Variants in RANBP3 observed in about 807,000 individuals in gnomAD.
RANBP3 encodes the protein ran-binding protein 3.
In RANBP3, 14 loss-of-function variants were observed where a neutral mutation model predicts 77.3. The ratio of observed to expected loss-of-function variants is 0.18; its 90% CI spans 0.12 to 0.28. The LOEUF is 0.28. Ranked by LOEUF, RANBP3 falls within the 10% of genes least tolerant of loss-of-function variation. The pLI is 1.00. For synonymous variants in RANBP3, 315 were observed against 312.4 expected, an observed-to-expected ratio of 1.01 and a Z score of -0.09; for missense variants, 586 against 752.3, an observed-to-expected ratio of 0.78 and a Z score of 2.59.
At chr19:5,917,750 G>A (rs1382254127) in intron 16 of RANBP3, 44 bp downstream of exon 16, 1 of 1,586,240 alleles carries the variant, frequency 6.3e-7, no homozygotes, top group Non-Finnish European at 8.6e-7. Context: ...AGGATGGCGG[G>A]CAGCTCTTTC....
chr19:5,918,384 T>A, intron 15 of RANBP3, 112 bp downstream of exon 15: 1 of 741,814 alleles, frequency 1.3e-6, no homozygotes, highest in South Asian at 2.0e-5. Flanking sequence ...AGGAAGCAAC[T>A]GAAGCCCCTC....
rs1351738286 is a variant in RANBP3, at chr19:5,932,437, G to A, written c.565+15C>T. ...CTGCCGTCTGGGCCTGGGCGCCAGGGCTGCTGTTTCTTACCAGTCTGGGAC... is the reference window on the plus strand; with the variant it reads ...CTGCCGTCTGGGCCTGGGCGCCAGGACTGCTGTTTCTTACCAGTCTGGGAC... On this transcript the variant is annotated intron_variant, in intron 7 of 16. Coordinates refer to ENST00000340578, the MANE Select transcript of RANBP3 (RefSeq NM_007322.3). The A allele has an allele frequency of 1.9e-6, 3 of 1,610,880 alleles. No individual in the cohort carries two copies. Among genetic ancestry groups the A allele is most frequent in the African/African-American group, 1.3e-5 (1 of 74,988 alleles).
intron 10 of RANBP3, chr19:5,925,405 C>T (rs2057891290): frequency 1.7e-6 from 1 of 587,584 alleles, no homozygotes; most frequent in Admixed American, 3.0e-5. Context: ...TGGACAACCC[C>T]ACAGAACTCT....
At chr19:5,934,911 G>C (rs1033884814) in intron 5 of RANBP3, among the ~76,000 whole-genome samples, 1 of 152,188 alleles carries the variant, frequency 6.6e-6, no homozygotes, top group Non-Finnish European at 1.5e-5. Flanking sequence ...CTGTCTGATT[G>C]CATTTCTGTG....
intron 8 of RANBP3, 59 bp from the exon 9 acceptor site, chr19:5,928,146 G>A (rs150997174): frequency 7.0e-6 from 11 of 1,565,778 alleles, no homozygotes; most frequent in East Asian, 2.3e-5. Context: ...TGGCCCAGAC[G>A]GATGCCCAGC....
chr19:5,972,783 C>G (rs1342297892), intron 1 of RANBP3, among the ~76,000 whole-genome samples: 1 of 152,202 alleles, frequency 6.6e-6, no homozygotes, highest in Non-Finnish European at 1.5e-5. Flanking sequence ...CCAAATGCCA[C>G]TCGAAGCTCA....
At chr19:5,951,875 G>C (rs1317916591) in intron 2 of RANBP3, among the ~76,000 whole-genome samples, 1 of 152,218 alleles carries the variant, frequency 6.6e-6, no homozygotes, top group East Asian at 1.9e-4. Flanking sequence ...AAAACTATGG[G>C]CTGCCTGGCA....
At chr19:5,923,430 G>A in intron 12 of RANBP3, 127 bp from the exon 13 acceptor site, 1 of 897,508 alleles carries the variant, frequency 1.1e-6, no homozygotes, top group Non-Finnish European at 1.7e-6. Flanking sequence ...TGGCAGGCCT[G>A]CCCCGGCAAC....
At chr19:5,918,442 C>A (rs907630923) in intron 15 of RANBP3, 54 bp downstream of exon 15, 1 of 1,464,822 alleles carries the variant, frequency 6.8e-7, no homozygotes, top group Admixed American at 1.9e-5. Flanking sequence ...CCCAGGAACC[C>A]CCACAGGGCT....
Position 5,931,416 on chromosome 19 carries a change from C to G in RANBP3, c.681G>C (p.Val227=), listed in dbSNP as rs1254912534. The change falls in exon 8 of 17, where the codon GTG becomes GTC. Residue 227 remains valine, a synonymous_variant. Coordinates refer to ENST00000340578, the MANE Select transcript of RANBP3 (RefSeq NM_007322.3). The part of the protein sequence containing the change: ...WRSPSEAADE[V]CALEEKEPQK... The stretch of plus-strand genomic sequence containing the variant: ...AGGACCCACTGACCTCAAGTGCACA[C>G]ACCTCATCGGCAGCTTCGGAAGGAC... The G allele has an allele frequency of 1.2e-6, 2 of 1,612,110 alleles. No individual in the cohort carries two copies. The highest frequency in any genetic ancestry group is 2.7e-5 in the African/African-American group (2 of 75,062).
intron 3 of RANBP3, among the ~76,000 whole-genome samples, chr19:5,947,306 T>A (rs1599762166): frequency 7.4e-6 from 1 of 134,834 alleles, no homozygotes. Flanking sequence ...AGAGGGAGAC[T>A]CTGTCTCAAA....
intron 3 of RANBP3, among the ~76,000 whole-genome samples, chr19:5,947,346 AAAAG>A (rs1313367255): frequency 6.6e-6 from 1 of 151,940 alleles, no homozygotes; most frequent in East Asian, 1.9e-4. Flanking sequence ...AAGAAAAGAA[AAAAG>A]AAAGAAACAA....
chr19:5,973,537 T>C (rs1321269308), intron 1 of RANBP3, among the ~76,000 whole-genome samples: 3 of 152,208 alleles, frequency 2.0e-5, no homozygotes, highest in Non-Finnish European at 4.4e-5. Context: ...TGGCCCCAGA[T>C]GTCTGTAGTG....
intron 13 of RANBP3, among the ~76,000 whole-genome samples, chr19:5,922,353 A>T (rs973938167): frequency 6.6e-5 from 10 of 152,200 alleles, no homozygotes; most frequent in Admixed American, 4.6e-4. Flanking sequence ...GTGGGAAAAA[A>T]GAACAGTGCT....
intron 1 of RANBP3, among the ~76,000 whole-genome samples, chr19:5,965,453 C>G (rs556513555): frequency 6.6e-6 from 1 of 152,296 alleles, no homozygotes; most frequent in East Asian, 1.9e-4. Context: ...TGTATTTTTT[C>G]TGCCAAGAGA....
rs1249382211 is a variant in RANBP3, at chr19:5,923,254, C to T, written c.1149G>A (p.Lys383=). Residue 383 remains lysine (K), a synonymous_variant, in exon 13 of 17, where the codon AAG becomes AAA. Transcript: ENST00000340578. The stretch of plus-strand genomic sequence containing the variant: ...TGACTTCCACTTTTTCCAACAAACA[C>T]TTCCGCGCTGTTGCCTTGGTGTAGG... ...AAAYTKATAR[K]CLLEKVEVIT... 7 of 1,614,268 alleles carry T rather than the reference C, an allele frequency of 4.3e-6. No homozygotes were observed. Among genetic ancestry groups the T allele is most frequent in the Non-Finnish European group, 5.9e-6 (7 of 1,180,056 alleles).
At chr19:5,960,293 C>T (rs1281646351) in intron 1 of RANBP3, among the ~76,000 whole-genome samples, 1 of 152,216 alleles carries the variant, frequency 6.6e-6, no homozygotes, top group Non-Finnish European at 1.5e-5. Context: ...CCCCTTGTCG[C>T]TAACAGACTC....
chr19:5,932,646 C>A, intron 6 of RANBP3, 102 bp from the exon 7 acceptor site: 3 of 876,394 alleles, frequency 3.4e-6, no homozygotes, highest in South Asian at 3.1e-5. Flanking sequence ...CCCTTGCAGG[C>A]TAGACTTTGC....
intron 2 of RANBP3, 49 bp from the exon 3 acceptor site, chr19:5,951,645 C>A: frequency 6.5e-7 from 1 of 1,542,894 alleles, no homozygotes; most frequent in East Asian, 2.3e-5. Flanking sequence ...AAGGCTGCAT[C>A]ACACAGCAGG....
Sources: allele counts gnomAD v4.1 joint callset (sites outside exome capture counted in the v4.1 genomes callset), GRCh38; gene constraint gnomAD v4.1.1; transcripts MANE v1.5; gene names NCBI Gene and HGNC (gene_info 2026-07-23, HGNC 2026-07-21).